Variants in KANK1 observed in about 807,000 individuals in gnomAD.
The protein encoded by KANK1 is KN motif and ankyrin repeat domain-containing protein 1.
KANK1 carries 109 observed loss-of-function variants against 106.2 expected under a neutral mutation model. That is an observed-to-expected ratio of 1.03 (90% confidence interval 0.88 to 1.20). The LOEUF (loss-of-function observed/expected upper bound fraction) is 1.20. Among genes scored for constraint, KANK1 ranks in the 50% most tolerant of loss-of-function variants. The pLI is 0.00. For synonymous variants in KANK1, 873 were observed against 652.2 expected (o/e 1.34, Z -5.16); for missense variants, 2,399 against 1,710.7 (o/e 1.40, Z -7.10).
intron 1 of KANK1, among the ~76,000 whole-genome samples, chr9:673,148 C>G (rs1238964753): frequency 1.3e-5 from 2 of 150,358 alleles, no homozygotes; most frequent in South Asian, 2.1e-4. Flanking sequence ...CAATATACAA[C>G]TGTTCTCTTT....
chr9:663,166 TA>T, intron 1 of KANK1, among the ~76,000 whole-genome samples: 1 of 151,968 alleles, frequency 6.6e-6, no homozygotes, highest in Non-Finnish European at 1.5e-5. Context: ...AAGCAGAAAA[TA>T]AATGAGAACT....
At chr9:615,852 C>T (rs566077331) in intron 1 of KANK1, among the ~76,000 whole-genome samples, 1 of 152,176 alleles carries the variant, frequency 6.6e-6, no homozygotes, top group South Asian at 2.1e-4. Flanking sequence ...ACAGGGAAAA[C>T]AACTGCTGAA....
At chr9:639,952 T>A (rs1041327675) in intron 1 of KANK1, among the ~76,000 whole-genome samples, 1 of 152,164 alleles carries the variant, frequency 6.6e-6, no homozygotes, top group Non-Finnish European at 1.5e-5. Context: ...ACCCTGATGA[T>A]TTAATCACCT....
intron 2 of KANK1, among the ~76,000 whole-genome samples, chr9:695,693 G>C (rs566152737): frequency 6.6e-6 from 1 of 152,168 alleles, no homozygotes; most frequent in East Asian, 1.9e-4. Flanking sequence ...GACAACAGAG[G>C]GTGATCCAGT....
intron 1 of KANK1, chr9:674,527 C>A (rs1341751519): frequency 6.6e-6 from 1 of 152,046 alleles, no homozygotes; most frequent in Non-Finnish European, 1.5e-5. Context: ...AAATTCTCAC[C>A]CTGTGTGATC....
chr9:504,769 G>GCT lies in KANK1; in HGVS notation c.-84+15_-84+16insCT, dbSNP rs1331306331. On this transcript the variant is annotated intron_variant, in intron 1 of 11. Coordinates refer to ENST00000382297, the MANE Select transcript of KANK1 (RefSeq NM_015158.5). ...AGCGGCCGAAGGTGAGTGACGCGGC[G>GCT]GGGCCGTGCCGCGCCCCGTGCCGCG... 1 of 31,446 alleles carries GCT rather than the reference G, an allele frequency of 3.2e-5. No individual in the cohort carries two copies. Among genetic ancestry groups the GCT allele is most frequent in the East Asian group, 2.2e-3 (1 of 458 alleles). 1.9% of individuals were successfully genotyped at this position (31,446 alleles called of 1,614,324 possible). A position where few individuals can be genotyped will look rare whatever the true frequency, so the allele number is the denominator to read the frequency against.
At chr9:534,705 G>C (rs1302721203) in intron 1 of KANK1, among the ~76,000 whole-genome samples, 1 of 152,194 alleles carries the variant, frequency 6.6e-6, no homozygotes, top group Non-Finnish European at 1.5e-5. Flanking sequence ...GATGTAAAGA[G>C]ACAGAAAGGA....
intron 1 of KANK1, among the ~76,000 whole-genome samples, chr9:648,704 A>G (rs1208347558): frequency 6.6e-6 from 1 of 152,140 alleles, no homozygotes; most frequent in East Asian, 1.9e-4. Flanking sequence ...TTGAGCTTCA[A>G]TTTCTTTATC....
chr9:684,284 G>A (rs920540542), intron 2 of KANK1: 16 of 985,292 alleles, frequency 1.6e-5, no homozygotes, highest in African/African-American at 7.0e-5. Context: ...GTGAGTACCA[G>A]CCTATTTGAG....
chr9:575,868 C>A (rs964277838), intron 1 of KANK1, among the ~76,000 whole-genome samples: 1 of 152,076 alleles, frequency 6.6e-6, no homozygotes, highest in Non-Finnish European at 1.5e-5. Flanking sequence ...ATTAAAAATA[C>A]AAAAATTAGT....
chr9:487,889 C>T (rs1276860979), intron 3 of KANK1: 1 of 152,192 alleles, frequency 6.6e-6, no homozygotes, highest in Non-Finnish European at 1.5e-5. Flanking sequence ...GTCTAAGACA[C>T]AGCTTCAGCG....
chr9:615,792 C>T (rs1294174790), intron 1 of KANK1, among the ~76,000 whole-genome samples: 3 of 152,116 alleles, frequency 2.0e-5, no homozygotes, highest in Admixed American at 1.3e-4. Flanking sequence ...TAGAGGAGAT[C>T]CCAAGTGATA....
At chr9:631,452 C>T (rs1253310069) in intron 1 of KANK1, among the ~76,000 whole-genome samples, 2 of 152,186 alleles carry the variant, frequency 1.3e-5, no homozygotes, top group African/African-American at 2.4e-5. Context: ...AGCCATCCCA[C>T]GCACTGAGGC....
chr9:634,327 G>C (rs1836541416), intron 1 of KANK1, among the ~76,000 whole-genome samples: 1 of 152,166 alleles, frequency 6.6e-6, no homozygotes, highest in South Asian at 2.1e-4. Flanking sequence ...CACCTGCACT[G>C]AGTCCATCTC....
chr9:597,151 A>C (rs1826421067), intron 1 of KANK1, among the ~76,000 whole-genome samples: 1 of 151,678 alleles, frequency 6.6e-6, no homozygotes. Flanking sequence ...TTTTTTCCCC[A>C]CCTTTTAATT....
rs780815658 is a variant in KANK1 at position 676,951 on chromosome 9, C to T, written c.-22C>T. ...CATGACTCCTCACTCCTTTCTGGATCTCTCATTGGACTCAAGCCAGCATGG... is the reference window on the plus strand; with the variant it reads ...CATGACTCCTCACTCCTTTCTGGATTTCTCATTGGACTCAAGCCAGCATGG... On this transcript the variant is annotated 5_prime_UTR_variant, in exon 2 of 12. Coordinates refer to ENST00000382297, the MANE Select transcript of KANK1 (RefSeq NM_015158.5). 55 of 1,610,916 alleles carry T rather than the reference C, an allele frequency of 3.4e-5. No individual in the cohort carries two copies. The Middle Eastern group carries it at 6.6e-4, about 19-fold the overall frequency.
chr9:576,823 C>G (rs1181613925), intron 1 of KANK1, among the ~76,000 whole-genome samples: 3 of 152,048 alleles, frequency 2.0e-5, no homozygotes, highest in East Asian at 3.9e-4. Flanking sequence ...TGATAAATAA[C>G]TGTTAAATAG....
chr9:665,614 T>G (rs1844390636), intron 1 of KANK1, among the ~76,000 whole-genome samples: 1 of 152,212 alleles, frequency 6.6e-6, no homozygotes, highest in South Asian at 2.1e-4. Flanking sequence ...GGCCTCCAGC[T>G]TTGCTCTTTT....
At chr9:653,756 T>TA (rs1841449889) in intron 1 of KANK1, among the ~76,000 whole-genome samples, 1 of 152,186 alleles carries the variant, frequency 6.6e-6, no homozygotes, top group South Asian at 2.1e-4. Flanking sequence ...TTGTTGCAGA[T>TA]ATGTTTTCTT....
Sources: gnomAD v4.1 joint callset for allele counts (sites outside exome capture counted in the v4.1 genomes callset) on GRCh38, gnomAD v4.1.1 for gene constraint, MANE v1.5 for transcripts, NCBI Gene and HGNC (gene_info 2026-07-23, HGNC 2026-07-21) for gene names.